The following PDE6B variants were observed in gnomAD, a reference collection of about 807,000 sequenced individuals.
The protein encoded by PDE6B is rod cGMP-specific 3',5'-cyclic phosphodiesterase subunit beta.
Under a neutral mutation model 109.0 loss-of-function variants are expected in PDE6B, and 106 were observed. The ratio of observed to expected loss-of-function variants is 0.97; its 90% CI spans 0.83 to 1.14. PDE6B has a LOEUF of 1.14. Ranked by LOEUF, PDE6B falls within the 50% of genes most tolerant of loss-of-function variation. The pLI, the probability that PDE6B is intolerant of heterozygous loss-of-function variation, is 0.00. For missense variants in PDE6B, 1,193 were observed against 1,155.6 expected (o/e 1.03, Z -0.47); for synonymous variants, 490 against 471.3 (o/e 1.04, Z -0.51).
chr4:657,270 G>A (rs1000781508), intron 9 of PDE6B, 81 bp from the exon 10 acceptor site: 11 of 1,542,734 alleles, frequency 7.1e-6, no homozygotes, highest in Non-Finnish European at 9.8e-6. Flanking sequence ...TGCCCGCCGA[G>A]CCACGGGGCC....
chr4:641,186 T>A lies in PDE6B; in HGVS notation c.711+5217T>A, dbSNP rs138331118. ...TTGATAAACACAGAATATCTCTTCA[T>A]TTATTTAGATCTTTGATTCCTTTTA... On this transcript the variant is annotated intron_variant, in intron 3 of 21. Coordinates refer to ENST00000496514, the MANE Select transcript of PDE6B (RefSeq NM_000283.4). Among the ~76,000 whole-genome samples the A allele has an allele frequency of 7.9e-5, 12 of 152,360 alleles. No homozygotes were observed. The East Asian group carries it at 2.1e-3, about 27-fold the overall frequency.
At chr4:659,649 C>T (rs1209713952) in intron 11 of PDE6B, among the ~76,000 whole-genome samples, 1 of 149,710 alleles carries the variant, frequency 6.7e-6, no homozygotes, top group Non-Finnish European at 1.5e-5. Flanking sequence ...CATGTGTGTG[C>T]ACATGTGTGC....
chr4:634,566 C>T (rs1279514359), intron 1 of PDE6B, 111 bp from the exon 2 acceptor site: 3 of 935,430 alleles, frequency 3.2e-6, no homozygotes, highest in East Asian at 4.8e-5. Flanking sequence ...CCCTGGGCAC[C>T]TCACACCTGG....
rs188457289 is a variant in PDE6B at position 641,756 on chromosome 4, C to G, written c.711+5787C>G. Among the ~76,000 whole-genome samples, 874 of 152,348 alleles carry G rather than the reference C, an allele frequency of 5.7e-3. 4 individuals carry two copies. Among genetic ancestry groups the G allele is most frequent in the Non-Finnish European group, 9.6e-3 (653 of 68,032 alleles). On this transcript the variant is annotated intron_variant, in intron 3 of 21. Transcript: ENST00000496514. ...CCACCTCCCGGGTTCAAGCGACTCT[C>G]CTGCCTCAGCCTCCCAAGTAGCTGA...
chr4:646,529 C>T (rs531831953), intron 3 of PDE6B, among the ~76,000 whole-genome samples: 1 of 152,036 alleles, frequency 6.6e-6, no homozygotes, highest in Admixed American at 6.6e-5. Flanking sequence ...AAAATCTCAG[C>T]CATTATTACT....
rs765411049 is a variant in PDE6B, at chr4:664,271, G to T, written c.2129+50G>T. ...AGGGGTCCTTCCCTCGCAGGGACCG[G>T]GCCCACTCACCAGCTGGTTAACCCT... On this transcript the variant is annotated intron_variant, in intron 17 of 21. Transcript: ENST00000496514. 13 of 1,018,546 alleles carry T rather than the reference G, an allele frequency of 1.3e-5. No homozygotes were observed. The South Asian group carries it at 1.6e-4, about 13-fold the overall frequency. 63.1% of individuals were successfully genotyped at this position (1,018,546 alleles called of 1,614,324 possible).
intron 3 of PDE6B, among the ~76,000 whole-genome samples, chr4:649,653 G>A (rs1735395350): frequency 6.7e-6 from 1 of 149,144 alleles, no homozygotes; most frequent in East Asian, 1.9e-4. Flanking sequence ...AGAGGCCTGG[G>A]AAGACTGTTC....
At chr4:655,032 G>C (rs1226601300) in intron 6 of PDE6B, 144 bp downstream of exon 6, 2 of 697,400 alleles carry the variant, frequency 2.9e-6, no homozygotes, top group Non-Finnish European at 5.3e-6. Context: ...GTGGTGCTCT[G>C]TGTGCCGTGG....
At chr4:667,289 T>A (rs1337264254) in intron 20 of PDE6B, among the ~76,000 whole-genome samples, 1 of 151,180 alleles carries the variant, frequency 6.6e-6, no homozygotes, top group Non-Finnish European at 1.5e-5. Flanking sequence ...GAGTGGGCTG[T>A]GCCCACTCCC....
rs967500858 is a variant in PDE6B at position 626,826 on chromosome 4, C to A, written c.468+732C>A. Among the ~76,000 whole-genome samples the A allele has an allele frequency of 6.6e-6, 1 of 152,150 alleles. No individual in the cohort carries two copies. The highest frequency in any genetic ancestry group is 2.1e-4 in the South Asian group (1 of 4,830). On this transcript the variant is annotated intron_variant, in intron 1 of 21. Transcript: ENST00000496514. This position sits in a 1 kb window ranked among gnomAD's most constrained non-coding sequence, Gnocchi z 4.6. Reference sequence around the variant, plus strand: ...AGGCGGTCCTGGCGGGACTGGAGAACAAGAGGGGTGTGAGGTGCCTGCCAG... The same window carrying A: ...AGGCGGTCCTGGCGGGACTGGAGAAAAAGAGGGGTGTGAGGTGCCTGCCAG...
In PDE6B at chr4:666,666, AGGCAAGGGGGCGCG is replaced by A. The variant is rs755156122; in HGVS notation, c.2352+56_2352+69del. On this transcript the variant is annotated intron_variant, in intron 20 of 21. Coordinates refer to ENST00000496514, the MANE Select transcript of PDE6B (RefSeq NM_000283.4). This position sits in a 1 kb window ranked among gnomAD's most constrained non-coding sequence, Gnocchi z 5.6. ...TGACTGGGGCAGGGTGGCTGGGAGC[AGGCAAGGGGGCGCG>A]GGCTGGAGTCGCGTGGACTCACACG... The A allele has an allele frequency of 5.5e-6, 7 of 1,277,608 alleles. No individual in the cohort carries two copies. Among genetic ancestry groups the A allele is most frequent in the Middle Eastern group, 1.8e-4 (1 of 5,436 alleles). 79.1% of individuals were successfully genotyped at this position (1,277,608 alleles called of 1,614,324 possible).
At position 634,764 on chromosome 4, in the gene PDE6B, G is replaced by A. The variant is rs779085612; in HGVS notation, c.556G>A (p.Val186Ile). Reference protein sequence around the residue: ...LATPIMNGKDVVAVIMAVNKL... With the variant: ...LATPIMNGKDIVAVIMAVNKL... ...CACACCCATCATGAATGGCAAAGAC[G>A]TCGTGGCGGTGATCATGGCAGTGAA... The change falls in exon 2 of 22, where the codon GTC becomes ATC. Residue 186 changes from valine (V) to isoleucine (I), a missense_variant. Transcript: ENST00000496514. 3.5e-5 allele frequency: 56 copies of A among 1,613,574 alleles called. 1 individual carries two copies. The East Asian group carries it at 9.6e-4, about 28-fold the overall frequency.
intron 8 of PDE6B, 48 bp from the exon 9 acceptor site, chr4:656,826 C>T: frequency 1.2e-6 from 2 of 1,604,688 alleles, no homozygotes; most frequent in Admixed American, 1.7e-5. Context: ...ACGCCCGGGC[C>T]AGGGCCAGCC....
rs1411925900 is a variant in PDE6B at position 666,589 on chromosome 4, A to G, written c.2327A>G (p.Asp776Gly). The G allele has an allele frequency of 6.2e-7, 1 of 1,612,384 alleles. No individual in the cohort carries two copies. The change falls in exon 20 of 22, where the codon GAC (aspartate) becomes GGC (glycine). Residue 776 changes from aspartate to glycine, a missense_variant. Coordinates refer to ENST00000496514, the MANE Select transcript of PDE6B (RefSeq NM_000283.4). This position sits in a 1 kb window ranked among gnomAD's most constrained non-coding sequence, Gnocchi z 5.6. ...CCCAAGCTGCAAGTGGGCTTCATCG[A>G]CTTCGTGTGCACATTCGTGTACAAG... Reference protein sequence around the residue: ...ELPKLQVGFIDFVCTFVYKEF... With the variant: ...ELPKLQVGFIGFVCTFVYKEF...
intron 1 of PDE6B, among the ~76,000 whole-genome samples, chr4:631,485 C>T (rs1480437053): frequency 6.7e-6 from 1 of 150,084 alleles, no homozygotes; most frequent in Non-Finnish European, 1.5e-5. Flanking sequence ...ATCCCTGTGG[C>T]GCTGTCTGAA....
chr4:663,224 T>G lies in PDE6B; in HGVS notation c.1920+37T>G. ...CACCCTCGGTTTCTGCTGTGGGCGC[T>G]GGGGACGCAGCGTCCGCAGGACGGC... On this transcript the variant is annotated intron_variant, in intron 15 of 21. Coordinates refer to ENST00000496514, the MANE Select transcript of PDE6B (RefSeq NM_000283.4). The surrounding 1 kb of genome is among the most constrained non-coding windows in gnomAD (Gnocchi z 4.0). 13 of 1,154,230 alleles carry G rather than the reference T, an allele frequency of 1.1e-5. No homozygotes were observed. The highest frequency in any genetic ancestry group is 1.7e-5 in the Non-Finnish European group (13 of 760,500). The allele number at this position is 1,154,230 out of a possible 1,614,324, so 71.5% of individuals were successfully genotyped here.
In PDE6B at chr4:663,789, A is replaced by G; in HGVS notation, c.1940A>G (p.Asn647Ser). ...CCGCAGACCCTGAACATCTACCAGAACCTGAACCGGCGGCAGCACGAGCAC... is the reference window on the plus strand; with the variant it reads ...CCGCAGACCCTGAACATCTACCAGAGCCTGAACCGGCGGCAGCACGAGCAC... ...LSEETLNIYQNLNRRQHEHVI... is the reference protein window; with the variant it reads ...LSEETLNIYQSLNRRQHEHVI... Residue 647 changes from asparagine to serine, a missense_variant, in exon 16 of 22, where the codon AAC (asparagine) becomes AGC (serine). Transcript: ENST00000496514. The surrounding 1 kb of genome is among the most constrained non-coding windows in gnomAD (Gnocchi z 4.0). The G allele has an allele frequency of 6.2e-7, 1 of 1,612,044 alleles. No individual in the cohort carries two copies. Among genetic ancestry groups the G allele is most frequent in the African/African-American group, 1.3e-5 (1 of 75,024 alleles).
chr4:638,843 C>A (rs976016315), intron 3 of PDE6B, among the ~76,000 whole-genome samples: 1 of 152,152 alleles, frequency 6.6e-6, no homozygotes, highest in African/African-American at 2.4e-5. Context: ...GCCTAATTAT[C>A]CAGCCCTCAA....
chr4:666,060 C>T lies in PDE6B; in HGVS notation c.2269-471C>T, dbSNP rs566622035. On this transcript the variant is annotated intron_variant, in intron 19 of 21. Transcript: ENST00000496514. The surrounding 1 kb of genome is among the most constrained non-coding windows in gnomAD (Gnocchi z 5.6). ...CTGCATGGTTCACCCTCCACCAGGA[C>T]GCTGTGAGGGGACGGACAGCCCAGG... is the stretch of plus-strand genomic sequence containing the variant. Among the ~76,000 whole-genome samples, 5 of 152,132 alleles carry T rather than the reference C, an allele frequency of 3.3e-5. No individual in the cohort carries two copies. Among genetic ancestry groups the T allele is most frequent in the Middle Eastern group, 3.2e-3 (1 of 316 alleles).
Sources: allele counts gnomAD v4.1 joint callset (sites outside exome capture counted in the v4.1 genomes callset), GRCh38; gene constraint gnomAD v4.1.1; non-coding constraint Gnocchi (gnomAD v3.1); transcripts MANE v1.5; gene names NCBI Gene and HGNC (gene_info 2026-07-23, HGNC 2026-07-21).